Variants in RIMS2 observed in about 807,000 individuals in gnomAD.
The protein encoded by RIMS2 is regulating synaptic membrane exocytosis protein 2.
Under a neutral mutation model 174.4 loss-of-function variants are expected in RIMS2, and 59 were observed. That is an observed-to-expected ratio of 0.34 (90% CI 0.27 to 0.42). RIMS2 has a LOEUF of 0.42. Ranked by LOEUF, RIMS2 falls within the 10% of genes least tolerant of loss-of-function variation. The pLI is 1.00. For missense variants in RIMS2, 1,620 were observed against 1,666.3 expected (o/e 0.97, Z 0.48); for synonymous variants, 606 against 572.5 (o/e 1.06, Z -0.84).
intron 2 of RIMS2, among the ~76,000 whole-genome samples, chr8:103,757,583 C>T (rs1258602183): frequency 6.6e-6 from 1 of 152,028 alleles, no homozygotes; most frequent in Non-Finnish European, 1.5e-5. Context: ...GAAAAATGGC[C>T]CCTCTAAAGA....
chr8:103,687,704 C>T (rs1360545174), intron 1 of RIMS2, among the ~76,000 whole-genome samples: 1 of 152,080 alleles, frequency 6.6e-6, no homozygotes, highest in East Asian at 1.9e-4. Flanking sequence ...TAATTCTACC[C>T]TCTACCTCTA....
chr8:103,908,032 G>A (rs1199874696), intron 4 of RIMS2, among the ~76,000 whole-genome samples: 1 of 150,898 alleles, frequency 6.6e-6, no homozygotes, highest in East Asian at 2.0e-4. Context: ...ACAGGCGTAA[G>A]CCACCGCGCC....
chr8:103,586,535 A>T (rs796838751), intron 1 of RIMS2, among the ~76,000 whole-genome samples: 23 of 152,294 alleles, frequency 1.5e-4, no homozygotes, highest in African/African-American at 5.1e-4. Context: ...AAACTGAAAA[A>T]TTTGTTGAAA....
intron 19 of RIMS2, among the ~76,000 whole-genome samples, chr8:104,059,797 C>G (rs1265015342): frequency 1.3e-5 from 2 of 152,058 alleles, no homozygotes; most frequent in Non-Finnish European, 2.9e-5. Flanking sequence ...TGAATTTTGT[C>G]AAAGGCCTTT....
chr8:104,014,574 G>A (rs1057518581), exon 19 of RIMS2: 8 of 1,612,880 alleles, frequency 5.0e-6, no homozygotes, highest in South Asian at 1.1e-5. Flanking sequence ...CGAAGGGGCC[G>A]ACAGCTTCCA....
At chr8:103,811,323 G>T (rs1443499322) in intron 3 of RIMS2, among the ~76,000 whole-genome samples, 1 of 152,054 alleles carries the variant, frequency 6.6e-6, no homozygotes, top group Non-Finnish European at 1.5e-5. Flanking sequence ...AGAATCTTCA[G>T]GTGTCACTCT....
intron 3 of RIMS2, chr8:103,819,590 T>C: frequency 6.2e-7 from 1 of 1,613,620 alleles, no homozygotes; most frequent in Non-Finnish European, 8.5e-7. Context: ...CCAAATATCT[T>C]ACAAAATGAG....
intron 1 of RIMS2, among the ~76,000 whole-genome samples, chr8:103,535,824 A>T (rs907153223): frequency 5.3e-5 from 8 of 152,224 alleles, no homozygotes; most frequent in Non-Finnish European, 8.8e-5. Flanking sequence ...AGGAGCTAAC[A>T]TGTATAGAGC....
intron 1 of RIMS2, among the ~76,000 whole-genome samples, chr8:103,625,628 T>C (rs1308763359): frequency 6.6e-6 from 1 of 152,142 alleles, no homozygotes; most frequent in African/African-American, 2.4e-5. Context: ...CTTGAATAGT[T>C]TGAATGACAT....
At chr8:103,586,247 A>C (rs888865564) in intron 1 of RIMS2, among the ~76,000 whole-genome samples, 2 of 152,196 alleles carry the variant, frequency 1.3e-5, no homozygotes, top group African/African-American at 4.8e-5. Flanking sequence ...GATCAAATGG[A>C]TCTAATATTT....
chr8:103,531,175 A>G (rs1836899242), intron 1 of RIMS2, among the ~76,000 whole-genome samples: 1 of 152,040 alleles, frequency 6.6e-6, no homozygotes, highest in South Asian at 2.1e-4. Context: ...ACTGCAGAAT[A>G]TCTTTAATGT....
intron 3 of RIMS2, among the ~76,000 whole-genome samples, chr8:103,863,588 T>A (rs985290146): frequency 6.7e-6 from 1 of 149,292 alleles, no homozygotes; most frequent in Non-Finnish European, 1.5e-5. Context: ...TTTTTTATTG[T>A]TGGAAGTTTT....
chr8:103,609,021 A>G (rs2134100482), intron 1 of RIMS2, among the ~76,000 whole-genome samples: 1 of 151,916 alleles, frequency 6.6e-6, no homozygotes, highest in East Asian at 1.9e-4. Flanking sequence ...CCTCCCTCCC[A>G]TTTTTTGACT....
At chr8:103,624,371 G>A (rs77769738) in intron 1 of RIMS2, among the ~76,000 whole-genome samples, 2,736 of 152,148 alleles carry the variant, frequency 0.018, 34 homozygotes, top group Non-Finnish European at 0.029. Context: ...TCAGACCCTC[G>A]GACTGAGATC....
chr8:103,961,047 C>T lies in RIMS2; in HGVS notation c.2702-18C>T. 1 of 1,269,416 alleles carries T rather than the reference C, an allele frequency of 7.9e-7. No homozygotes were observed. The highest frequency in any genetic ancestry group is 1.2e-5 in the South Asian group (1 of 82,240). 78.6% of individuals were successfully genotyped at this position (1,269,416 alleles called of 1,614,324 possible). Reference sequence around the variant, plus strand: ...AGAGAATCAGAATTTTTAATTATTGCTATTGTTTACTTTATAGGGTCAAAG... The same window carrying T: ...AGAGAATCAGAATTTTTAATTATTGTTATTGTTTACTTTATAGGGTCAAAG... On this transcript the variant is annotated intron_variant, in intron 14 of 23. Coordinates refer to ENST00000504942, the Ensembl canonical transcript of RIMS2.
chr8:103,702,055 C>T (rs2097173482), intron 2 of RIMS2, among the ~76,000 whole-genome samples: 1 of 152,092 alleles, frequency 6.6e-6, no homozygotes, highest in South Asian at 2.1e-4. Context: ...TTCCTACCAA[C>T]AGTATACAAG....
chr8:103,511,035 T>A (rs1826207752), intron 1 of RIMS2, among the ~76,000 whole-genome samples: 1 of 152,192 alleles, frequency 6.6e-6, no homozygotes, highest in African/African-American at 2.4e-5. Context: ...TCTGAAATAA[T>A]ATTTTACTAT....
chr8:104,234,567 A>T (rs1432861867), intron 19 of RIMS2, among the ~76,000 whole-genome samples: 1 of 55,436 alleles, frequency 1.8e-5, no homozygotes, highest in Non-Finnish European at 3.4e-5. Flanking sequence ...GAAAAACAAG[A>T]AAGTACCAAA....
intron 3 of RIMS2, among the ~76,000 whole-genome samples, chr8:103,806,098 T>C (rs951780566): frequency 6.6e-6 from 1 of 152,166 alleles, no homozygotes; most frequent in African/African-American, 2.4e-5. Context: ...AGACAACAGA[T>C]TCTCTTCTAT....
Sources: allele counts gnomAD v4.1 joint callset (sites outside exome capture counted in the v4.1 genomes callset), GRCh38; gene constraint gnomAD v4.1.1; transcripts MANE v1.5; gene names NCBI Gene and HGNC (gene_info 2026-07-23, HGNC 2026-07-21).